The following PRKAR2A variants were observed in gnomAD, a reference collection of about 807,000 sequenced individuals.
The protein encoded by PRKAR2A is cAMP-dependent protein kinase type II-alpha regulatory subunit.
In PRKAR2A, 29 loss-of-function variants were observed where a neutral mutation model predicts 51.9. That is an observed-to-expected ratio of 0.56 (90% CI 0.42 to 0.76). PRKAR2A has a LOEUF of 0.76. Among genes scored for constraint, PRKAR2A ranks in the 30% least tolerant of loss-of-function variants. The pLI, the probability that PRKAR2A is intolerant of heterozygous loss-of-function variation, is 0.00. For synonymous variants in PRKAR2A, 178 were observed against 186.2 expected (o/e 0.96, Z 0.36); for missense variants, 445 against 512.1 (o/e 0.87, Z 1.26).
Position 48,847,256 on chromosome 3 carries a change from C to T in PRKAR2A, c.262+79G>A, listed in dbSNP as rs1289013293. On this transcript the variant is annotated intron_variant, in intron 1 of 10. Transcript: ENST00000265563. The surrounding 1 kb of genome is among the most constrained non-coding windows in gnomAD (Gnocchi z 4.4). ...GCCTGCGGTCGGCTTGGCTGCGGCGCGACACCTGGCTCCCTGCCACCCCTC... is the reference window on the plus strand; with the variant it reads ...GCCTGCGGTCGGCTTGGCTGCGGCGTGACACCTGGCTCCCTGCCACCCCTC... 6 of 1,509,878 alleles carry T rather than the reference C, an allele frequency of 4.0e-6. No homozygotes were observed. The African/African-American group carries it at 5.7e-5, about 14-fold the overall frequency. 93.5% of individuals were successfully genotyped at this position (1,509,878 alleles called of 1,614,324 possible).
intron 1 of PRKAR2A, among the ~76,000 whole-genome samples, chr3:48,820,389 A>T (rs2082942239): frequency 6.6e-6 from 1 of 152,214 alleles, no homozygotes; most frequent in African/African-American, 2.4e-5. Context: ...AAGGGAACAC[A>T]TTAGGAAACA....
chr3:48,762,801 T>G (rs949614299), intron 8 of PRKAR2A, among the ~76,000 whole-genome samples: 1 of 152,090 alleles, frequency 6.6e-6, no homozygotes, highest in Admixed American at 6.6e-5. Context: ...TGAAATATTA[T>G]TAGCAATAAA....
At position 48,831,806 on chromosome 3, in the gene PRKAR2A, G is replaced by A. The variant is rs866595897; in HGVS notation, c.262+15529C>T. On this transcript the variant is annotated intron_variant, in intron 1 of 10. Transcript: ENST00000265563. Reference sequence around the variant, plus strand: ...TAATTTTTGTATGTTTAGTAGAGACGGGGTTTCACCATACTGGCCAGGCTG... The same window carrying A: ...TAATTTTTGTATGTTTAGTAGAGACAGGGTTTCACCATACTGGCCAGGCTG... Among the ~76,000 whole-genome samples the A allele has an allele frequency of 8.0e-4, 122 of 152,008 alleles. 1 individual carries two copies. The highest frequency in any genetic ancestry group is 2.2e-3 in the Admixed American group (33 of 15,240).
At chr3:48,821,047 C>T (rs961665017) in intron 1 of PRKAR2A, among the ~76,000 whole-genome samples, 5 of 152,190 alleles carry the variant, frequency 3.3e-5, no homozygotes, top group Non-Finnish European at 5.9e-5. Context: ...ATTACTCCCC[C>T]ATTTACTCCT....
chr3:48,831,385 T>TA (rs11389650), intron 1 of PRKAR2A, among the ~76,000 whole-genome samples: 2 of 150,596 alleles, frequency 1.3e-5, no homozygotes, highest in Non-Finnish European at 3.0e-5. Context: ...TTTTTTTTTT[T>TA]AGAGACAGAG....
At chr3:48,765,431 T>C (rs2081926958) in intron 6 of PRKAR2A, 82 bp from the exon 7 acceptor site, 3 of 899,108 alleles carry the variant, frequency 3.3e-6, no homozygotes, top group South Asian at 3.4e-5. Context: ...AAAGCAAATA[T>C]TAGAGGAATA....
intron 3 of PRKAR2A, among the ~76,000 whole-genome samples, chr3:48,791,845 G>C (rs1213881264): frequency 6.9e-6 from 1 of 145,534 alleles, no homozygotes; most frequent in Non-Finnish European, 1.5e-5. Flanking sequence ...AGAGGTTGTG[G>C]TGAGCCAAGA....
At chr3:48,809,726 T>G (rs2082741733) in intron 1 of PRKAR2A, among the ~76,000 whole-genome samples, 2 of 151,926 alleles carry the variant, frequency 1.3e-5, no homozygotes, top group Non-Finnish European at 2.9e-5. Context: ...GTATTCAATA[T>G]GGATCTCATT....
intron 1 of PRKAR2A, among the ~76,000 whole-genome samples, chr3:48,809,782 T>C (rs1232948128): frequency 6.6e-6 from 1 of 152,020 alleles, no homozygotes; most frequent in Non-Finnish European, 1.5e-5. Context: ...AATCATAAAA[T>C]GTCAGAGTTA....
intron 1 of PRKAR2A, among the ~76,000 whole-genome samples, chr3:48,817,540 C>G (rs1188382374): frequency 1.4e-5 from 2 of 145,766 alleles, no homozygotes; most frequent in African/African-American, 5.1e-5. Flanking sequence ...GTAATCCCAG[C>G]TGAGGCTGAG....
At chr3:48,756,562 G>C (rs988280871) in intron 8 of PRKAR2A, 118 bp from the exon 9 acceptor site, 1 of 729,830 alleles carries the variant, frequency 1.4e-6, no homozygotes, top group South Asian at 1.8e-5. Context: ...CTCTGCAAAT[G>C]AATCAATAGT....
chr3:48,766,252 C>A (rs1300249186), intron 6 of PRKAR2A, among the ~76,000 whole-genome samples: 1 of 151,468 alleles, frequency 6.6e-6, no homozygotes, highest in Admixed American at 6.6e-5. Context: ...ACAACAACAA[C>A]AAAATACATA....
intron 1 of PRKAR2A, among the ~76,000 whole-genome samples, chr3:48,839,828 T>A (rs535775506): frequency 1.3e-5 from 2 of 152,192 alleles, no homozygotes; most frequent in African/African-American, 4.8e-5. Context: ...TCTAATGTCA[T>A]TGGGTATACA....
intron 1 of PRKAR2A, among the ~76,000 whole-genome samples, chr3:48,810,972 T>C (rs2082761404): frequency 6.6e-6 from 1 of 150,886 alleles, no homozygotes. Context: ...AGCTCAGGAG[T>C]TTGAGACCAG....
At position 48,815,276 on chromosome 3, in the gene PRKAR2A, A is replaced by G. The variant is rs540207744; in HGVS notation, c.263-7592T>C. On this transcript the variant is annotated intron_variant, in intron 1 of 10. Transcript: ENST00000265563. ...CAGTGCTGGCATGGTTTTGTTATGT[A>G]CAAACATACATACACACACATACAC... is the stretch of plus-strand genomic sequence containing the variant. Among the ~76,000 whole-genome samples the G allele has an allele frequency of 2.0e-5, 3 of 152,186 alleles. No individual in the cohort carries two copies. The South Asian group carries it at 6.2e-4, about 32-fold the overall frequency.
chr3:48,812,298 G>C (rs569833710), intron 1 of PRKAR2A, among the ~76,000 whole-genome samples: 1 of 152,152 alleles, frequency 6.6e-6, no homozygotes, highest in Non-Finnish European at 1.5e-5. Flanking sequence ...ATTGAGATTA[G>C]GGAGGGAGCA....
intron 1 of PRKAR2A, among the ~76,000 whole-genome samples, chr3:48,837,612 T>TCC: frequency 6.6e-6 from 1 of 152,130 alleles, no homozygotes; most frequent in South Asian, 2.1e-4. Flanking sequence ...TGAAAACAGC[T>TCC]CCACACAGAA....
At position 48,847,698 on chromosome 3, in the gene PRKAR2A, G is replaced by C; in HGVS notation, c.-102C>G. The stretch of plus-strand genomic sequence containing the variant: ...CGCTCCGCGCCCGCGAGGTCTCTTC[G>C]CGCACGGCCCCGGCTCACGTCGCGC... On this transcript the variant is annotated 5_prime_UTR_variant, in exon 1 of 11. Coordinates refer to ENST00000265563, the MANE Select transcript of PRKAR2A (RefSeq NM_004157.4). This position sits in a 1 kb window ranked among gnomAD's most constrained non-coding sequence, Gnocchi z 4.4. The C allele has an allele frequency of 8.4e-7, 1 of 1,186,424 alleles. No individual in the cohort carries two copies. Among genetic ancestry groups the C allele is most frequent in the South Asian group, 1.8e-5 (1 of 54,364 alleles). The allele number at this position is 1,186,424 out of a possible 1,614,324, so 73.5% of individuals were successfully genotyped here.
chr3:48,831,154 T>C (rs2083181545), intron 1 of PRKAR2A, among the ~76,000 whole-genome samples: 1 of 152,132 alleles, frequency 6.6e-6, no homozygotes, highest in Admixed American at 6.6e-5. Flanking sequence ...GGTAGGTTTG[T>C]TTACACCAGC....
Sources: gnomAD v4.1 joint callset for allele counts (sites outside exome capture counted in the v4.1 genomes callset) on GRCh38, gnomAD v4.1.1 for gene constraint, Gnocchi (gnomAD v3.1) non-coding constraint, MANE v1.5 for transcripts, NCBI Gene and HGNC (gene_info 2026-07-23, HGNC 2026-07-21) for gene names.